AQP9: variants seen among roughly 807,000 people sequenced by gnomAD.
AQP9 encodes aquaporin 9.
Under a neutral mutation model 23.8 loss-of-function variants are expected in AQP9, and 19 were observed. That is an observed-to-expected ratio of 0.80 (90% CI 0.56 to 1.17). The LOEUF (loss-of-function observed/expected upper bound fraction) is 1.17. AQP9 is among the 50% of genes most tolerant of loss of function. The probability of loss-of-function intolerance (pLI) is 0.00; values close to 1 mark genes in which losing one functional copy is unlikely to be tolerated. For missense variants in AQP9, 413 were observed against 362.0 expected (o/e 1.14, Z -1.14); for synonymous variants, 153 against 131.5 (o/e 1.16, Z -1.12).
chr15:58,183,211 T>C (rs556071997), intron 5 of AQP9, among the ~76,000 whole-genome samples: 2 of 152,350 alleles, frequency 1.3e-5, no homozygotes, highest in East Asian at 1.9e-4. Flanking sequence ...AATGTATATA[T>C]CCTTAAACAA....
At position 58,138,671 on chromosome 15, in the gene AQP9, T is replaced by C; in HGVS notation, c.106T>C (p.Leu36=). 6.2e-7 allele frequency: 1 copy of C among 1,613,482 alleles called. No individual in the cohort carries two copies. The highest frequency in any genetic ancestry group is 1.1e-5 in the South Asian group (1 of 91,054). ...CTCTGAGTTCTTGGGCACGTTCATC[T>C]TGATTGTAAGTATTTCCTGATTTCC... ...TLSEFLGTFI[L]IVLGCGCVAQ... The change falls in exon 1 of 6, where the codon TTG becomes CTG. Residue 36 remains leucine (L), a synonymous_variant. Transcript: ENST00000219919.
chr15:58,162,278 T>C (rs1300351284), intron 1 of AQP9, among the ~76,000 whole-genome samples: 1 of 152,192 alleles, frequency 6.6e-6, no homozygotes, highest in Non-Finnish European at 1.5e-5. Flanking sequence ...AAGGGACAAG[T>C]GTCCAAACGA....
At chr15:58,148,369 T>C (rs1898087177) in intron 1 of AQP9, among the ~76,000 whole-genome samples, 1 of 152,236 alleles carries the variant, frequency 6.6e-6, no homozygotes, top group African/African-American at 2.4e-5. Context: ...TGTCTTCAGC[T>C]CTACTTAACC....
chr15:58,156,230 C>T (rs1414913017), intron 1 of AQP9, among the ~76,000 whole-genome samples: 4 of 152,182 alleles, frequency 2.6e-5, no homozygotes, highest in African/African-American at 9.7e-5. Context: ...ACTTTAACTG[C>T]TATGTCAGTA....
chr15:58,141,170 G>T (rs2414536), intron 1 of AQP9, among the ~76,000 whole-genome samples: 2 of 151,928 alleles, frequency 1.3e-5, no homozygotes, highest in Non-Finnish European at 2.9e-5. Flanking sequence ...CTGAACTTCA[G>T]AGAATCTCTA....
At chr15:58,179,891 G>T (rs1186144626) in intron 5 of AQP9, among the ~76,000 whole-genome samples, 1 of 152,186 alleles carries the variant, frequency 6.6e-6, no homozygotes, top group African/African-American at 2.4e-5. Context: ...TAAAAGTGCT[G>T]CAGGAACACA....
chr15:58,138,572 C>G lies in AQP9; in HGVS notation c.7C>G (p.Pro3Ala). The change falls in exon 1 of 6, where the codon CCT (proline) becomes GCT (alanine). Residue 3 changes from proline to alanine, a missense_variant. Transcript: ENST00000219919. ...TCCTCAGAGAAGCCCCAAGATGCAG[C>G]CTGAGGGAGCAGAAAAGGGAAAAAG... Reference protein sequence around the residue: MQPEGAEKGKSFK... With the variant: MQAEGAEKGKSFK... 6.2e-7 allele frequency: 1 copy of G among 1,613,570 alleles called. No homozygotes were observed. The highest frequency in any genetic ancestry group is 1.1e-5 in the South Asian group (1 of 91,056).
intron 1 of AQP9, among the ~76,000 whole-genome samples, chr15:58,144,782 G>A (rs1050027695): frequency 7.9e-5 from 12 of 152,002 alleles, no homozygotes; most frequent in African/African-American, 2.7e-4. Flanking sequence ...TTGGGAGGCC[G>A]AGGTGGGCGG....
rs545565805 is a variant in AQP9 at position 58,184,991 on chromosome 15, G to A, written c.*856G>A. On this transcript the variant is annotated 3_prime_UTR_variant, in exon 6 of 6. Transcript: ENST00000219919. The stretch of plus-strand genomic sequence containing the variant: ...CATTTGACAAGTTATATCAACGACT[G>A]TGCTTGTCCATTATTTTACACATGC... 9 of 152,144 alleles carry A rather than the reference G, an allele frequency of 5.9e-5. No homozygotes were observed. Among genetic ancestry groups the A allele is most frequent in the Non-Finnish European group, 1.3e-4 (9 of 68,028 alleles). The allele number at this position is 152,144 out of a possible 1,614,324, so 9.4% of individuals were successfully genotyped here.
chr15:58,150,190 C>T (rs8040266), intron 1 of AQP9: 10,029 of 152,684 alleles, frequency 0.066, 870 homozygotes, highest in African/African-American at 0.2. Flanking sequence ...GCCATTCAGA[C>T]CCACTCCACT....
chr15:58,160,727 G>A (rs1898360700), intron 1 of AQP9, among the ~76,000 whole-genome samples: 1 of 152,090 alleles, frequency 6.6e-6, no homozygotes, highest in African/African-American at 2.4e-5. Context: ...ATAATAAAAT[G>A]GCAATGTGCA....
At chr15:58,170,081 G>T (rs867278365) in intron 2 of AQP9, among the ~76,000 whole-genome samples, 1 of 152,140 alleles carries the variant, frequency 6.6e-6, no homozygotes, top group African/African-American at 2.4e-5. Context: ...CCTCGGCAAA[G>T]CCAAGAGTTG....
chr15:58,183,148 C>T (rs1457779199), intron 5 of AQP9, among the ~76,000 whole-genome samples: 2 of 152,096 alleles, frequency 1.3e-5, no homozygotes, highest in Non-Finnish European at 2.9e-5. Flanking sequence ...CTGCATTTAT[C>T]CTGAAGTTTT....
At chr15:58,167,843 C>T (rs1327703489) in intron 2 of AQP9, among the ~76,000 whole-genome samples, 1 of 152,164 alleles carries the variant, frequency 6.6e-6, no homozygotes, top group Non-Finnish European at 1.5e-5. Context: ...CCGCCTCAGC[C>T]TCCTGAGTAG....
At chr15:58,140,616 T>C (rs1897935072) in intron 1 of AQP9, among the ~76,000 whole-genome samples, 1 of 152,222 alleles carries the variant, frequency 6.6e-6, no homozygotes, top group Non-Finnish European at 1.5e-5. Context: ...TGAAAGTTTA[T>C]CCAAAGTAAT....
At chr15:58,182,818 G>A (rs1898922805) in intron 5 of AQP9, among the ~76,000 whole-genome samples, 1 of 152,118 alleles carries the variant, frequency 6.6e-6, no homozygotes, top group South Asian at 2.1e-4. Flanking sequence ...CCACTTAGGT[G>A]CCCCAGGTGG....
chr15:58,156,245 C>T (rs184801203), intron 1 of AQP9, among the ~76,000 whole-genome samples: 11 of 152,278 alleles, frequency 7.2e-5, no homozygotes, highest in Admixed American at 1.3e-4. Flanking sequence ...TCAGTATTAA[C>T]GAACTAATAC....
chr15:58,153,664 G>A (rs1898193031), intron 1 of AQP9: 1 of 152,066 alleles, frequency 6.6e-6, no homozygotes, highest in Non-Finnish European at 1.5e-5. Context: ...TGAAAAATAG[G>A]AGGACTATTC....
At position 58,138,682 on chromosome 15, in the gene AQP9, TATTTCCTG is replaced by T; in HGVS notation, c.111+14_111+21del. 6.2e-7 allele frequency: 1 copy of T among 1,612,294 alleles called. No homozygotes were observed. Among genetic ancestry groups the T allele is most frequent in the Non-Finnish European group, 8.5e-7 (1 of 1,178,468 alleles). ...TGGGCACGTTCATCTTGATTGTAAGTATTTCCTGATTTCCTACATTCAGACCCAATAAT... is the reference window on the plus strand; with the variant it reads ...TGGGCACGTTCATCTTGATTGTAAGTATTTCCTACATTCAGACCCAATAAT... On this transcript the variant is annotated splice_region_variant and intron_variant, in intron 1 of 5. Coordinates refer to ENST00000219919, the MANE Select transcript of AQP9 (RefSeq NM_020980.5).
Sources: allele counts gnomAD v4.1 joint callset (sites outside exome capture counted in the v4.1 genomes callset), GRCh38; gene constraint gnomAD v4.1.1; transcripts MANE v1.5; gene names NCBI Gene and HGNC (gene_info 2026-07-23, HGNC 2026-07-21).